The following CDK20 variants were observed in gnomAD, a reference collection of about 807,000 sequenced individuals.
CDK20 encodes the protein cyclin-dependent kinase 20.
A neutral mutation model predicts 38.6 loss-of-function variants in CDK20; 40 were observed. That is an observed-to-expected ratio of 1.04 (90% confidence interval 0.81 to 1.35). The LOEUF is 1.35. Ranked by LOEUF, CDK20 falls within the 40% of genes most tolerant of loss-of-function variation. The pLI is 0.00. For missense variants in CDK20, 512 were observed against 452.6 expected, an observed-to-expected ratio of 1.13 and a Z score of -1.19; for synonymous variants, 209 against 185.7, an observed-to-expected ratio of 1.13 and a Z score of -1.02.
chr9:87,967,987 C>A, intron 7 of CDK20: 1 of 217,018 alleles, frequency 4.6e-6, no homozygotes, highest in Non-Finnish European at 9.2e-6. Flanking sequence ...GGTTGCAGAT[C>A]TGAAGAGTCA....
intron 7 of CDK20, 152 bp from the exon 8 acceptor site, chr9:87,967,811 G>A (rs554669148): frequency 2.5e-5 from 16 of 641,214 alleles, no homozygotes; most frequent in Non-Finnish European, 4.1e-5. Context: ...TATTCCAGAA[G>A]CTGGGAACAT....
rs762337811 is a variant in CDK20 at position 87,967,512 on chromosome 9, C to T, written c.991G>A (p.Glu331Lys). 2 of 1,556,038 alleles carry T rather than the reference C, an allele frequency of 1.3e-6. No individual in the cohort carries two copies. Among genetic ancestry groups the T allele is most frequent in the Non-Finnish European group, 1.7e-6 (2 of 1,149,664 alleles). ...HDFHVDRPLE[E>K]SLLNPELIRP... ...ATCAGCTCTGGGTTCAACAGCGACT[C>T]CTCAAGAGGCCGGTCCACGTGGAAG... The change falls in exon 8 of 8, where the codon GAG becomes AAG. Residue 331 changes from glutamate (E) to lysine (K), a missense_variant. By Grantham distance (56) the Glu-to-Lys change is moderately conservative. Coordinates refer to ENST00000325303, the MANE Select transcript of CDK20 (RefSeq NM_001039803.3).
intron 6 of CDK20, 109 bp downstream of exon 6, chr9:87,969,687 A>AG (rs1282471675): frequency 6.6e-7 from 1 of 1,517,974 alleles, no homozygotes; most frequent in South Asian, 1.2e-5. Context: ...CTGTCCATCA[A>AG]GGGGGGTTGG....
Position 87,969,305 on chromosome 9 carries a change from C to T in CDK20, c.732G>A (p.Glu244=), listed in dbSNP as rs764319061. The T allele has an allele frequency of 3.1e-6, 5 of 1,613,952 alleles. No individual in the cohort carries two copies. The highest frequency in any genetic ancestry group is 2.2e-5 in the East Asian group (1 of 44,890). The part of the protein sequence containing the change: ...LPDYNKISFK[E]QVPMPLEEVL... ...CCTCCTCCAGGGGCATGGGCACCTG[C>T]TCCTTAAAGGAGATCTTGTTGTAGT... is the stretch of plus-strand genomic sequence containing the variant. Residue 244 remains glutamate, a synonymous_variant, in exon 7 of 8, where the codon GAG becomes GAA. Transcript: ENST00000325303.
chr9:87,969,428 C>T (rs1829691883), intron 6 of CDK20, 79 bp from the exon 7 acceptor site: 4 of 1,466,650 alleles, frequency 2.7e-6, no homozygotes, highest in Non-Finnish European at 3.7e-6. Context: ...AACTCTCAGC[C>T]CCTAACACAC....
At chr9:87,970,540 A>G (rs926323143) in intron 5 of CDK20, 28 bp downstream of exon 5, 1 of 1,601,792 alleles carries the variant, frequency 6.2e-7, no homozygotes. Context: ...GAGCCATGTT[A>G]CCCTTTGACC....
intron 2 of CDK20, among the ~76,000 whole-genome samples, 192 bp downstream of exon 2, chr9:87,973,729 TA>T (rs1264820205): frequency 1.3e-5 from 2 of 151,522 alleles, no homozygotes; most frequent in East Asian, 1.9e-4. Context: ...AAGAAATAGG[TA>T]AATAAAGGTG....
chr9:87,967,052 C>T lies in CDK20; in HGVS notation c.*410G>A, dbSNP rs1230498964. 1 of 527,898 alleles carries T rather than the reference C, an allele frequency of 1.9e-6. No individual in the cohort carries two copies. The highest frequency in any genetic ancestry group is 3.8e-6 in the Non-Finnish European group (1 of 266,318). The allele number at this position is 527,898 out of a possible 1,614,324, so 32.7% of individuals were successfully genotyped here. ...GAGAATAAAACCAAACCAAATCTTC[C>T]TTCCACTTGAGTTTCCAACATAAGG... On this transcript the variant is annotated 3_prime_UTR_variant, in exon 8 of 8. Transcript: ENST00000325303.
intron 7 of CDK20, chr9:87,967,869 G>C (rs1183439043): frequency 1.9e-6 from 1 of 525,180 alleles, no homozygotes; most frequent in East Asian, 3.0e-5. Flanking sequence ...ACATAAGTGA[G>C]GGTGGGGGGT....
chr9:87,971,014 T>C (rs1829812378), intron 3 of CDK20, 117 bp from the exon 4 acceptor site: 7 of 1,491,746 alleles, frequency 4.7e-6, no homozygotes, highest in Non-Finnish European at 6.4e-6. Context: ...TCCAGGGCCA[T>C]GCCCTGGCCA....
Position 87,970,774 on chromosome 9 carries a change from A to T in CDK20, c.500+2T>A. The T allele has an allele frequency of 1.9e-6, 3 of 1,613,966 alleles. No homozygotes were observed. The highest frequency in any genetic ancestry group is 2.5e-6 in the Non-Finnish European group (3 of 1,179,938). ...GACTGGAAGGGATCTGGCCCTCCCTACCTGGTGGCCACCTGGTGTGTGTAG... is the reference window on the plus strand; with the variant it reads ...GACTGGAAGGGATCTGGCCCTCCCTTCCTGGTGGCCACCTGGTGTGTGTAG... On this transcript the variant is annotated splice_donor_variant, in intron 4 of 7. Coordinates refer to ENST00000325303, the MANE Select transcript of CDK20 (RefSeq NM_001039803.3). LOFTEE classifies it high-confidence loss of function.
rs776903802 is a variant in CDK20, at chr9:87,967,161, T to G, written c.*301A>C. On this transcript the variant is annotated 3_prime_UTR_variant, in exon 8 of 8. Transcript: ENST00000325303. ...AAGGCAGGCATCGTCATTCTGCATA[T>G]GCAGGCCTTGACTGGCAGCAGAGCT... The G allele has an allele frequency of 7.8e-6, 5 of 640,996 alleles. No homozygotes were observed. Among genetic ancestry groups the G allele is most frequent in the African/African-American group, 7.1e-5 (4 of 56,292 alleles). 39.7% of individuals were successfully genotyped at this position (640,996 alleles called of 1,614,324 possible).
intron 3 of CDK20, 51 bp downstream of exon 3, chr9:87,971,096 C>A: frequency 6.3e-7 from 1 of 1,585,752 alleles, no homozygotes; most frequent in South Asian, 1.1e-5. Context: ...GCCCCATCCC[C>A]AAGCCAAGTC....
rs747457856 is a variant in CDK20 at position 87,973,922 on chromosome 9, A to AT, written c.188dup (p.Tyr63Ter). The AT allele has an allele frequency of 5.0e-6, 8 of 1,613,650 alleles. No individual in the cohort carries two copies. Among genetic ancestry groups the AT allele is most frequent in the African/African-American group, 1.3e-5 (1 of 74,914 alleles). Reference protein sequence around the residue: ...KALQEMEDNQYVVQLKAVFPH... With the variant: ...KALQEMEDNQ ...ACCATGCCCCCCCTCCCCTACTCAC[A>AT]TACTGATTGTCCTCCATCTCCTGCA... Residue 63 changes from tyrosine (Y) to a stop codon, truncating the protein, a stop_gained and frameshift_variant and splice_region_variant, in exon 2 of 8, where the codon TAT (tyrosine) becomes TAAT (stop). Coordinates refer to ENST00000325303, the MANE Select transcript of CDK20 (RefSeq NM_001039803.3). LOFTEE classifies it high-confidence loss of function.
rs1264102646 is a variant in CDK20, at chr9:87,974,150, C to G, written c.76-115G>C. 10 of 1,547,502 alleles carry G rather than the reference C, an allele frequency of 6.5e-6. No homozygotes were observed. The Admixed American group carries it at 8.9e-5, about 14-fold the overall frequency. On this transcript the variant is annotated intron_variant, in intron 1 of 7. Coordinates refer to ENST00000325303, the MANE Select transcript of CDK20 (RefSeq NM_001039803.3). ...CACGCGCCCCCGGCTCGGCCAGAGG[C>G]CCTCCTCGGGGGTCTAGGACTAGCC...
At position 87,967,397 on chromosome 9, in the gene CDK20, G is replaced by C; in HGVS notation, c.*65C>G. On this transcript the variant is annotated 3_prime_UTR_variant, in exon 8 of 8. Coordinates refer to ENST00000325303, the MANE Select transcript of CDK20 (RefSeq NM_001039803.3). The stretch of plus-strand genomic sequence containing the variant: ...GGCCTTGGAGGGTGAAGCCAGGCAG[G>C]TGGCAGAGGAACAGGTGGACTGAGT... The C allele has an allele frequency of 6.7e-7, 1 of 1,501,376 alleles. No homozygotes were observed. The highest frequency in any genetic ancestry group is 9.1e-7 in the Non-Finnish European group (1 of 1,101,616). 93.0% of individuals were successfully genotyped at this position (1,501,376 alleles called of 1,614,324 possible).
chr9:87,973,884 T>C (rs781571735), intron 2 of CDK20, 38 bp downstream of exon 2: 1 of 1,596,154 alleles, frequency 6.3e-7, no homozygotes, highest in South Asian at 1.1e-5. Flanking sequence ...AACGAGCGAC[T>C]GAGGGTGAGA....
rs565837414 is a variant in CDK20 at position 87,970,595 on chromosome 9, C to T, written c.536G>A (p.Arg179His). The T allele has an allele frequency of 1.8e-5, 29 of 1,614,050 alleles. No individual in the cohort carries two copies. Among genetic ancestry groups the T allele is most frequent in the South Asian group, 6.6e-5 (6 of 91,072 alleles). The change falls in exon 5 of 8, where the codon CGC (arginine) becomes CAC (histidine). Residue 179 changes from arginine to histidine, a missense_variant. Coordinates refer to ENST00000325303, the MANE Select transcript of CDK20 (RefSeq NM_001039803.3). ...CAGATCGACGCCCTGGTCATACTGG[C>T]GGGCACCATACAGGAGCTCGGGGGC... The part of the protein sequence containing the change: ...YRAPELLYGA[R>H]QYDQGVDLWS...
chr9:87,969,991 C>CT, intron 5 of CDK20, 72 bp from the exon 6 acceptor site: 1 of 1,476,244 alleles, frequency 6.8e-7, no homozygotes, highest in East Asian at 2.5e-5. Flanking sequence ...CAGAGCAGCT[C>CT]TAACACTGCA....
Sources: gnomAD v4.1 joint callset for allele counts (sites outside exome capture counted in the v4.1 genomes callset) on GRCh38, gnomAD v4.1.1 for gene constraint, MANE v1.5 for transcripts, NCBI Gene and HGNC (gene_info 2026-07-23, HGNC 2026-07-21) for gene names.